Variants in AP3B1 observed in about 807,000 individuals in gnomAD.
AP3B1 encodes AP-3 complex subunit beta-1.
In AP3B1, 61 loss-of-function variants were observed where a neutral mutation model predicts 132.5. The ratio of observed to expected loss-of-function variants is 0.46; its 90% CI spans 0.37 to 0.57. The LOEUF is 0.57. AP3B1 is among the 20% of genes least tolerant of loss of function. The pLI is 0.00. For synonymous variants in AP3B1, 388 were observed against 438.3 expected (o/e 0.89, Z 1.43); for missense variants, 1,120 against 1,289.4 (o/e 0.87, Z 2.01).
chr5:78,273,149 A>G (rs1483201750), intron 1 of AP3B1, among the ~76,000 whole-genome samples: 1 of 147,816 alleles, frequency 6.8e-6, no homozygotes, highest in African/African-American at 2.4e-5. Context: ...CTATTAATAT[A>G]ATCCCAGCAG....
intron 2 of AP3B1, among the ~76,000 whole-genome samples, chr5:78,251,148 AAC>A (rs1351172477): frequency 6.6e-6 from 1 of 152,192 alleles, no homozygotes; most frequent in Admixed American, 6.5e-5. Flanking sequence ...GTAAAGAAAA[AAC>A]ACAGACCGTA....
At chr5:78,018,700 A>ACC (rs1554057853) in intron 25 of AP3B1, among the ~76,000 whole-genome samples, 2 of 148,610 alleles carry the variant, frequency 1.3e-5, no homozygotes, top group Admixed American at 6.8e-5. Flanking sequence ...ACACACACAC[A>ACC]CCCCTTAAAT....
intron 2 of AP3B1, among the ~76,000 whole-genome samples, chr5:78,249,487 G>A (rs999296916): frequency 6.6e-6 from 1 of 151,514 alleles, no homozygotes; most frequent in African/African-American, 2.4e-5. Context: ...CTGTTCTAAT[G>A]ATGCATACGT....
intron 1 of AP3B1, among the ~76,000 whole-genome samples, chr5:78,283,834 A>C (rs1561220920): frequency 6.6e-6 from 1 of 152,338 alleles, no homozygotes; most frequent in East Asian, 1.9e-4. Flanking sequence ...ATCTTTTTAA[A>C]AAATAAATCA....
chr5:78,139,456 G>T (rs1477048786), intron 15 of AP3B1, among the ~76,000 whole-genome samples: 1 of 152,060 alleles, frequency 6.6e-6, no homozygotes, highest in Admixed American at 6.5e-5. Flanking sequence ...AATGTATGAA[G>T]AAATCTACAG....
chr5:78,174,476 G>A (rs889685966), intron 11 of AP3B1, among the ~76,000 whole-genome samples: 14 of 152,288 alleles, frequency 9.2e-5, no homozygotes, highest in African/African-American at 2.6e-4. Context: ...GTTTGCTGGA[G>A]GTCCACTCCA....
intron 6 of AP3B1, among the ~76,000 whole-genome samples, chr5:78,224,461 G>A (rs1274956176): frequency 6.6e-6 from 1 of 151,956 alleles, no homozygotes; most frequent in African/African-American, 2.4e-5. Context: ...AAAAAGGCAT[G>A]AAACATATAA....
chr5:78,180,140 A>G (rs915622824), intron 8 of AP3B1, among the ~76,000 whole-genome samples: 2 of 152,122 alleles, frequency 1.3e-5, no homozygotes, highest in Non-Finnish European at 2.9e-5. Flanking sequence ...TACAACAGCC[A>G]TGAAATAATA....
In AP3B1 at chr5:78,181,502, CA is replaced by C; in HGVS notation, c.942+4del. ...GAATTATTTCTTATAAGGATTTTAA[CA>C]TACCGCAGCATTCCTGCTCTGAAGC... On this transcript the variant is annotated splice_donor_region_variant and intron_variant, in intron 8 of 26. Transcript: ENST00000255194. 1 of 1,611,718 alleles carries C rather than the reference CA, an allele frequency of 6.2e-7. No homozygotes were observed. The highest frequency in any genetic ancestry group is 8.5e-7 in the Non-Finnish European group (1 of 1,179,048).
At chr5:78,145,527 G>C (rs116293445) in intron 14 of AP3B1, among the ~76,000 whole-genome samples, 2,259 of 152,286 alleles carry the variant, frequency 0.015, 59 homozygotes, top group African/African-American at 0.051. Context: ...TGGTAAACTA[G>C]GAAGAATACT....
chr5:78,129,013 G>A (rs1024203946), intron 16 of AP3B1, 108 bp downstream of exon 16: 13 of 925,930 alleles, frequency 1.4e-5, no homozygotes, highest in South Asian at 7.1e-5. Context: ...TTATATATGC[G>A]AATCATTTAT....
chr5:78,119,769 G>C (rs1486523092), intron 17 of AP3B1, among the ~76,000 whole-genome samples: 1 of 152,188 alleles, frequency 6.6e-6, no homozygotes, highest in Non-Finnish European at 1.5e-5. Flanking sequence ...ACACTCTGCA[G>C]GATATTATCC....
chr5:78,152,342 G>A (rs375034507), intron 14 of AP3B1, among the ~76,000 whole-genome samples: 1 of 151,814 alleles, frequency 6.6e-6, no homozygotes, highest in Non-Finnish European at 1.5e-5. Context: ...TTTTATTATG[G>A]TTTCAATCTT....
chr5:78,123,738 A>G (rs543559805), intron 17 of AP3B1, among the ~76,000 whole-genome samples: 4,411 of 151,866 alleles, frequency 0.029, 212 homozygotes, highest in African/African-American at 0.098. Context: ...GAACACTTTT[A>G]CACTGTTGGT....
At chr5:78,281,271 C>T (rs1749040045) in intron 1 of AP3B1, among the ~76,000 whole-genome samples, 1 of 151,928 alleles carries the variant, frequency 6.6e-6, no homozygotes, top group African/African-American at 2.4e-5. Context: ...CCTATCTCTA[C>T]TAAAAGCACA....
At chr5:78,057,073 T>C (rs955643066) in intron 22 of AP3B1, among the ~76,000 whole-genome samples, 4 of 152,208 alleles carry the variant, frequency 2.6e-5, no homozygotes, top group South Asian at 2.1e-4. Flanking sequence ...TGTAGTACTT[T>C]TTGTTTGTTT....
intron 20 of AP3B1, among the ~76,000 whole-genome samples, chr5:78,106,182 G>A (rs1373957489): frequency 6.6e-6 from 1 of 152,212 alleles, no homozygotes; most frequent in Non-Finnish European, 1.5e-5. Context: ...GTGTGGCTGG[G>A]CACGGTTGCC....
intron 22 of AP3B1, among the ~76,000 whole-genome samples, chr5:78,080,472 CT>C (rs950808310): frequency 1.6e-4 from 19 of 117,866 alleles, no homozygotes; most frequent in East Asian, 1.0e-3. Flanking sequence ...TTTTCTTTTT[CT>C]TTTTTTTTTG....
intron 7 of AP3B1, among the ~76,000 whole-genome samples, chr5:78,211,183 A>C (rs1459992798): frequency 6.6e-6 from 1 of 152,114 alleles, no homozygotes; most frequent in Non-Finnish European, 1.5e-5. Flanking sequence ...CCTCTTAACA[A>C]ATCTTCTCAT....
Sources: allele counts gnomAD v4.1 joint callset (sites outside exome capture counted in the v4.1 genomes callset), GRCh38; gene constraint gnomAD v4.1.1; transcripts MANE v1.5; gene names NCBI Gene and HGNC (gene_info 2026-07-23, HGNC 2026-07-21).